Variants in ARHGEF7 observed in about 807,000 individuals in gnomAD.
ARHGEF7 encodes PAK-interacting exchange factor beta.
Under a neutral mutation model 109.8 loss-of-function variants are expected in ARHGEF7, and 33 were observed. The observed-to-expected ratio is 0.30, with a 90% CI of 0.23 to 0.40. ARHGEF7 has a LOEUF of 0.40. Among genes scored for constraint, ARHGEF7 ranks in the 10% least tolerant of loss-of-function variants. The probability of loss-of-function intolerance (pLI) is 1.00; values close to 1 mark genes in which losing one functional copy is unlikely to be tolerated. For synonymous variants in ARHGEF7, 458 were observed against 424.6 expected (o/e 1.08, Z -0.97); for missense variants, 938 against 1,098.5 (o/e 0.85, Z 2.07).
At chr13:111,275,454 A>G in intron 11 of ARHGEF7, 78 bp from the exon 12 acceptor site, 3 of 1,480,254 alleles carry the variant, frequency 2.0e-6, no homozygotes, top group Non-Finnish European at 2.8e-6. Context: ...TGTCTTAAGG[A>G]TGATACAAAG....
At chr13:111,276,289 A>C (rs1340173829) in intron 12 of ARHGEF7, among the ~76,000 whole-genome samples, 2 of 152,254 alleles carry the variant, frequency 1.3e-5, no homozygotes, top group Non-Finnish European at 2.9e-5. Context: ...TGCAAAAATA[A>C]CATGATCAAA....
chr13:111,118,961 C>T (rs1381313654), intron 1 of ARHGEF7, among the ~76,000 whole-genome samples: 2 of 152,058 alleles, frequency 1.3e-5, no homozygotes, highest in Non-Finnish European at 2.9e-5. Context: ...GACGCTGCCT[C>T]GGGTCTTAGT....
intron 18 of ARHGEF7, among the ~76,000 whole-genome samples, chr13:111,289,645 A>G (rs988923065): frequency 2.6e-5 from 4 of 152,204 alleles, no homozygotes; most frequent in African/African-American, 9.7e-5. Context: ...GGTGGTTCCA[A>G]TTAGTGTCAT....
chr13:111,185,570 C>T (rs2079163009), intron 2 of ARHGEF7, among the ~76,000 whole-genome samples: 2 of 152,172 alleles, frequency 1.3e-5, no homozygotes, highest in African/African-American at 4.8e-5. Flanking sequence ...GGGCGCATTG[C>T]CTTTATAGCT....
At chr13:111,203,889 A>G (rs895225392) in intron 2 of ARHGEF7, among the ~76,000 whole-genome samples, 4 of 152,192 alleles carry the variant, frequency 2.6e-5, no homozygotes, top group East Asian at 1.9e-4. Context: ...CGGTGCCTGC[A>G]GGGTGGGTGG....
intron 1 of ARHGEF7, chr13:111,153,546 C>A: frequency 1.1e-6 from 1 of 914,386 alleles, no homozygotes; most frequent in Non-Finnish European, 1.3e-6. Flanking sequence ...GAGGTGGCAG[C>A]TCGCCGGCAA....
intron 8 of ARHGEF7, among the ~76,000 whole-genome samples, chr13:111,253,501 CT>C (rs1040028728): frequency 2.6e-5 from 4 of 152,290 alleles, no homozygotes; most frequent in African/African-American, 9.6e-5. Flanking sequence ...TGTTGTAATA[CT>C]TCCCCTAAAG....
chr13:111,210,604 TGTA>T (rs1198422352), intron 4 of ARHGEF7, among the ~76,000 whole-genome samples: 1 of 152,092 alleles, frequency 6.6e-6, no homozygotes, highest in African/African-American at 2.4e-5. Flanking sequence ...GCCCATGGAA[TGTA>T]ATAGTGAAGT....
intron 2 of ARHGEF7, among the ~76,000 whole-genome samples, chr13:111,175,933 A>G (rs942973338): frequency 3.3e-5 from 5 of 152,224 alleles, no homozygotes; most frequent in Non-Finnish European, 7.3e-5. Context: ...GGAGAAATGC[A>G]GAGCGAAGGG....
chr13:111,294,318 T>C (rs1361140259), intron 19 of ARHGEF7: 4 of 985,384 alleles, frequency 4.1e-6, no homozygotes, highest in Admixed American at 6.1e-5. Context: ...CTGGCTAAGC[T>C]GCCTTTGCCT....
At chr13:111,185,559 T>C (rs1482525787) in intron 2 of ARHGEF7, among the ~76,000 whole-genome samples, 2 of 152,246 alleles carry the variant, frequency 1.3e-5, no homozygotes, top group African/African-American at 2.4e-5. Flanking sequence ...GTTAATGGAA[T>C]GGGCGCATTG....
At position 111,280,602 on chromosome 13, in the gene ARHGEF7, G is replaced by A. The variant is rs746562060; in HGVS notation, c.1650G>A (p.Glu550=). 10 of 1,613,052 alleles carry A rather than the reference G, an allele frequency of 6.2e-6. No homozygotes were observed. Among genetic ancestry groups the A allele is most frequent in the South Asian group, 3.3e-5 (3 of 90,836 alleles). ...AGCAGGATCTGCAGGAATGGGTGGA[G>A]CACCTACAGAAGCAAACGAAGGTCA... is the stretch of plus-strand genomic sequence containing the variant. The part of the protein sequence containing the change: ...NNQQDLQEWV[E]HLQKQTKVTS... Residue 550 remains glutamate (E), a synonymous_variant, in exon 15 of 22, where the codon GAG becomes GAA. Coordinates refer to ENST00000646102, the MANE Select transcript of ARHGEF7 (RefSeq NM_001354046.2).
rs1226145914 is a variant in ARHGEF7, at chr13:111,299,364, A to G, written c.2312-1384A>G. On this transcript the variant is annotated intron_variant, in intron 19 of 21. Coordinates refer to ENST00000646102, the MANE Select transcript of ARHGEF7 (RefSeq NM_001354046.2). ...TTTTTTTTTTTTTTTTTTTTTTGAGACGGAGTCTCGCTCTGTCGCCCAGGC... is the reference window on the plus strand; with the variant it reads ...TTTTTTTTTTTTTTTTTTTTTTGAGGCGGAGTCTCGCTCTGTCGCCCAGGC... Among the ~76,000 whole-genome samples the G allele has an allele frequency of 4.6e-5, 5 of 109,866 alleles. No homozygotes were observed. In the East Asian group the frequency reaches 1.3e-3, roughly 29 times the overall value. The allele number at this position is 109,866 out of a possible 152,430, so 72.1% of individuals were successfully genotyped here.
intron 3 of ARHGEF7, among the ~76,000 whole-genome samples, chr13:111,207,949 A>G (rs187965829): frequency 2.0e-3 from 303 of 152,298 alleles, no homozygotes; most frequent in African/African-American, 6.5e-3. Context: ...AAGCTTTTAA[A>G]CTATAGGAAT....
intron 2 of ARHGEF7, among the ~76,000 whole-genome samples, chr13:111,163,689 A>C (rs2076916055): frequency 6.6e-6 from 1 of 151,856 alleles, no homozygotes; most frequent in Non-Finnish European, 1.5e-5. Flanking sequence ...ATGCACCACT[A>C]TGCCTGGCTA....
rs1183424465 is a variant in ARHGEF7, at chr13:111,178,689, C to T, written c.252+24698C>T. ...TCTGTCAGGGAGGCAGCTGCCGGTA[C>T]CCACCCAGCTTGGAAAAGGCAGGGA... On this transcript the variant is annotated intron_variant, in intron 2 of 21. Transcript: ENST00000646102. Among the ~76,000 whole-genome samples, 3 of 152,244 alleles carry T rather than the reference C, an allele frequency of 2.0e-5. No homozygotes were observed. In the East Asian group the frequency reaches 5.8e-4, roughly 29 times the overall value.
At chr13:111,158,921 T>C in intron 2 of ARHGEF7, 1 of 648,458 alleles carries the variant, frequency 1.5e-6, no homozygotes, top group South Asian at 1.8e-5. Flanking sequence ...CTTTAAATTA[T>C]TGTTAACTGT....
At chr13:111,223,060 G>T (rs896619366) in intron 5 of ARHGEF7, among the ~76,000 whole-genome samples, 3 of 152,104 alleles carry the variant, frequency 2.0e-5, no homozygotes, top group African/African-American at 7.2e-5. Flanking sequence ...ACACACATAG[G>T]TATGTATAGA....
chr13:111,210,705 C>T (rs554588063), intron 4 of ARHGEF7, among the ~76,000 whole-genome samples: 5 of 152,204 alleles, frequency 3.3e-5, no homozygotes, highest in Non-Finnish European at 7.3e-5. Context: ...AGTCCTGCAC[C>T]CTTCTCTGAG....
Sources: gnomAD v4.1 joint callset for allele counts (sites outside exome capture counted in the v4.1 genomes callset) on GRCh38, gnomAD v4.1.1 for gene constraint, MANE v1.5 for transcripts, NCBI Gene and HGNC (gene_info 2026-07-23, HGNC 2026-07-21) for gene names.